Variants in FAM13B observed in about 807,000 individuals in gnomAD.
The protein encoded by FAM13B is protein FAM13B.
Under a neutral mutation model 117.3 loss-of-function variants are expected in FAM13B, and 60 were observed. That is an observed-to-expected ratio of 0.51 (90% CI 0.42 to 0.63). The LOEUF (loss-of-function observed/expected upper bound fraction) is 0.63. Among genes scored for constraint, FAM13B ranks in the 30% least tolerant of loss-of-function variants. The pLI is 0.00. For synonymous variants in FAM13B, 332 were observed against 356.1 expected (o/e 0.93, Z 0.76); for missense variants, 972 against 1,091.9 (o/e 0.89, Z 1.55).
At chr5:138,030,363 C>CA (rs1431275893) in intron 1 of FAM13B, among the ~76,000 whole-genome samples, 1 of 152,012 alleles carries the variant, frequency 6.6e-6, no homozygotes. Flanking sequence ...CCTCCCACCT[C>CA]AGCTCCCTGA....
Position 137,954,469 on chromosome 5 carries a change from T to C in FAM13B, c.1508-93A>G, listed in dbSNP as rs1173081252. ...TATCAGCTATGTGTTCCTTAAATCA[T>C]ATCATTATGTAGTGGTTCATATATA... On this transcript the variant is annotated intron_variant, in intron 14 of 23. Transcript: ENST00000689681. The C allele has an allele frequency of 4.6e-6, 4 of 867,526 alleles. No homozygotes were observed. The African/African-American group carries it at 6.8e-5, about 15-fold the overall frequency. 53.7% of individuals were successfully genotyped at this position (867,526 alleles called of 1,614,324 possible).
At chr5:137,947,118 T>C (rs1763641939) in intron 18 of FAM13B, among the ~76,000 whole-genome samples, 1 of 152,220 alleles carries the variant, frequency 6.6e-6, no homozygotes, top group Admixed American at 6.5e-5. Flanking sequence ...GTCCCCTTCG[T>C]TCTATAGGAT....
chr5:138,045,538 C>CA (rs1561561096), intron 1 of FAM13B, among the ~76,000 whole-genome samples: 1 of 149,710 alleles, frequency 6.7e-6, no homozygotes, highest in Non-Finnish European at 1.5e-5. Flanking sequence ...ATCTCAAAAA[C>CA]AAAAAAAGAA....
intron 10 of FAM13B, among the ~76,000 whole-genome samples, chr5:137,984,534 T>C (rs1776664314): frequency 6.6e-6 from 1 of 152,184 alleles, no homozygotes; most frequent in Admixed American, 6.5e-5. Flanking sequence ...ATATATGAGG[T>C]ATACATGTCT....
At chr5:138,008,808 A>G (rs1451640306) in intron 6 of FAM13B, among the ~76,000 whole-genome samples, 1 of 152,250 alleles carries the variant, frequency 6.6e-6, no homozygotes, top group Non-Finnish European at 1.5e-5. Flanking sequence ...CCACAGGTCT[A>G]TCAAGCTCAC....
intron 10 of FAM13B, among the ~76,000 whole-genome samples, chr5:137,979,885 G>A (rs1301701928): frequency 6.6e-6 from 1 of 151,812 alleles, no homozygotes; most frequent in Admixed American, 6.6e-5. Flanking sequence ...AAATCGACCA[G>A]GCACGGTGGC....
chr5:138,031,886 C>T (rs1045536317), intron 1 of FAM13B, among the ~76,000 whole-genome samples: 1 of 152,144 alleles, frequency 6.6e-6, no homozygotes, highest in African/African-American at 2.4e-5. Context: ...TAATTCAAAA[C>T]CACCCTTTAA....
intron 4 of FAM13B, among the ~76,000 whole-genome samples, chr5:138,017,930 T>C (rs1785662024): frequency 6.6e-6 from 1 of 152,214 alleles, no homozygotes; most frequent in Non-Finnish European, 1.5e-5. Context: ...ACCCTAATAG[T>C]GGTAATATCA....
Position 137,966,664 on chromosome 5 carries a change from G to A in FAM13B, c.1180-4195C>T, listed in dbSNP as rs973907448. ...AAAACTTATCATCGTATGTCATTAG[G>A]AAACTCAAAATTTAAACAAGATACC... On this transcript the variant is annotated intron_variant, in intron 10 of 23. Transcript: ENST00000689681. 7.9e-5 allele frequency among the ~76,000 whole-genome samples: 12 copies of A among 151,758 alleles called. 1 individual carries two copies. Among genetic ancestry groups the A allele is most frequent in the African/African-American group, 2.9e-4 (12 of 41,326 alleles).
At chr5:138,051,824 A>G (rs1382409343) in intron 1 of FAM13B, 1 of 152,170 alleles carries the variant, frequency 6.6e-6, no homozygotes, top group African/African-American at 2.4e-5. Context: ...ATATCACTAT[A>G]CCAAAAAGCT....
intron 10 of FAM13B, among the ~76,000 whole-genome samples, chr5:137,977,540 T>C (rs1426481177): frequency 2.6e-5 from 4 of 152,200 alleles, no homozygotes; most frequent in Non-Finnish European, 4.4e-5. Context: ...TTTTGTACTC[T>C]GTCCCTTTAT....
chr5:137,959,738 A>G lies in FAM13B; in HGVS notation c.1319T>C (p.Leu440Ser), dbSNP rs1258439151. Residue 440 changes from leucine (L) to serine (S), a missense_variant, in exon 13 of 24, where the codon TTG (leucine) becomes TCG (serine). Physicochemically the swap from Leu to Ser is moderately radical, Grantham distance 145 (BLOSUM62 -2). Coordinates refer to ENST00000689681, the MANE Select transcript of FAM13B (RefSeq NM_001385994.1). ...TACTTCTGATTCAGTGTTGGCATTC[A>G]AATCACATATCTTGCTACTAGAATC... ...ILDSSSKICD[L>S]NANTESEVPG... is the part of the protein sequence containing the mutation. 6.2e-7 allele frequency: 1 copy of G among 1,613,840 alleles called. No individual in the cohort carries two copies. The highest frequency in any genetic ancestry group is 8.5e-7 in the Non-Finnish European group (1 of 1,179,800).
chr5:138,002,897 A>C (rs1030142852), intron 7 of FAM13B, among the ~76,000 whole-genome samples: 6 of 148,854 alleles, frequency 4.0e-5, no homozygotes, highest in African/African-American at 1.5e-4. Flanking sequence ...GATGGTCTCG[A>C]TCTCCTGACC....
At chr5:138,013,683 A>C (rs773581779) in intron 4 of FAM13B, among the ~76,000 whole-genome samples, 1 of 152,206 alleles carries the variant, frequency 6.6e-6, no homozygotes, top group Non-Finnish European at 1.5e-5. Context: ...TTAATGTTTA[A>C]ATCACTGGAC....
chr5:138,008,632 C>T (rs756243475), intron 6 of FAM13B, among the ~76,000 whole-genome samples: 1 of 152,148 alleles, frequency 6.6e-6, no homozygotes, highest in South Asian at 2.1e-4. Flanking sequence ...TATATGTAAC[C>T]TCTTCAGCAA....
Position 137,988,334 on chromosome 5 carries a change from A to C in FAM13B, c.849-19T>G. The C allele has an allele frequency of 1.3e-6, 2 of 1,555,328 alleles. No individual in the cohort carries two copies. Among genetic ancestry groups the C allele is most frequent in the Non-Finnish European group, 1.7e-6 (2 of 1,159,536 alleles). ...ATGGGTGCTGCAATCAAAGAAAGAA[A>C]TTAGCTATAAAAATGTTCAATACTT... On this transcript the variant is annotated intron_variant, in intron 7 of 23. Transcript: ENST00000689681.
At chr5:137,948,227 A>C (rs932909633) in intron 18 of FAM13B, among the ~76,000 whole-genome samples, 3 of 152,120 alleles carry the variant, frequency 2.0e-5, no homozygotes, top group Non-Finnish European at 4.4e-5. Flanking sequence ...ATATCAAGTT[A>C]GTATTAATGG....
Position 137,949,106 on chromosome 5 carries a change from C to T in FAM13B, c.2009G>A (p.Gly670Asp), listed in dbSNP as rs970178391. ...TTCATCTTCATGGTCTAGAGAAGAGCCAAAGCTTTTTGGAAGTGTGTTACT... is the reference window on the plus strand; with the variant it reads ...TTCATCTTCATGGTCTAGAGAAGAGTCAAAGCTTTTTGGAAGTGTGTTACT... ...PRSNTLPKSF[G>D]SSLDHEDEEN... Residue 670 changes from glycine to aspartate, a missense_variant, in exon 18 of 24, where the codon GGC becomes GAC. By Grantham distance (94) the Gly-to-Asp change is moderately conservative. Transcript: ENST00000689681. 1.2e-6 allele frequency: 2 copies of T among 1,614,120 alleles called. No homozygotes were observed. Among genetic ancestry groups the T allele is most frequent in the Non-Finnish European group, 8.5e-7 (1 of 1,180,008 alleles).
intron 18 of FAM13B, among the ~76,000 whole-genome samples, chr5:137,948,721 C>T (rs1764106687): frequency 6.6e-6 from 1 of 152,166 alleles, no homozygotes; most frequent in African/African-American, 2.4e-5. Context: ...TGCCAACTGA[C>T]TCCAACATAA....
Sources: allele counts gnomAD v4.1 joint callset (sites outside exome capture counted in the v4.1 genomes callset), GRCh38; gene constraint gnomAD v4.1.1; transcripts MANE v1.5; gene names NCBI Gene and HGNC (gene_info 2026-07-23, HGNC 2026-07-21).